DAB1: variants seen among roughly 807,000 people sequenced by gnomAD.
The protein encoded by DAB1 is DAB adaptor protein 1, also known as disabled homolog 1.
In DAB1, 15 loss-of-function variants were observed where a neutral mutation model predicts 64.6. The ratio of observed to expected loss-of-function variants is 0.23; its 90% confidence interval spans 0.16 to 0.36. DAB1 has a LOEUF of 0.36. Ranked by LOEUF, DAB1 falls within the 10% of genes least tolerant of loss-of-function variation. DAB1 has a pLI of 1.00. For synonymous variants in DAB1, 235 were observed against 251.9 expected, an observed-to-expected ratio of 0.93 and a Z score of 0.64; for missense variants, 596 against 706.7, an observed-to-expected ratio of 0.84 and a Z score of 1.78.
At chr1:57,832,230 G>A (rs957993805) in intron 1 of DAB1, among the ~76,000 whole-genome samples, 1 of 152,186 alleles carries the variant, frequency 6.6e-6, no homozygotes. Flanking sequence ...AGTCACAAGA[G>A]TAACTAGATG....
intron 5 of DAB1, among the ~76,000 whole-genome samples, chr1:58,112,429 C>T (rs1336272426): frequency 6.6e-6 from 1 of 152,154 alleles, no homozygotes; most frequent in Non-Finnish European, 1.5e-5. Flanking sequence ...CCCAATTAAA[C>T]TATTAGTTCT....
intron 4 of DAB1, among the ~76,000 whole-genome samples, chr1:58,332,239 C>T (rs1342073190): frequency 1.3e-5 from 2 of 152,156 alleles, no homozygotes; most frequent in East Asian, 1.9e-4. Flanking sequence ...AAACTCCCCT[C>T]CCTGAATTAT....
chr1:58,166,430 C>A (rs1320153850), intron 4 of DAB1, among the ~76,000 whole-genome samples: 1 of 152,142 alleles, frequency 6.6e-6, no homozygotes, highest in Non-Finnish European at 1.5e-5. Flanking sequence ...TTGCATCTGG[C>A]TTACTTATTT....
chr1:58,138,097 T>C (rs1267078397), intron 5 of DAB1, among the ~76,000 whole-genome samples: 2 of 152,218 alleles, frequency 1.3e-5, no homozygotes, highest in Non-Finnish European at 2.9e-5. Flanking sequence ...TGATTATATT[T>C]ATCCACTCAC....
intron 6 of DAB1, among the ~76,000 whole-genome samples, chr1:57,732,434 A>T (rs1374611910): frequency 6.6e-6 from 1 of 152,232 alleles, no homozygotes; most frequent in Non-Finnish European, 1.5e-5. Context: ...AGAGAGGCTC[A>T]TCAGTGTTGA....
intron 5 of DAB1, among the ~76,000 whole-genome samples, chr1:57,963,922 G>A (rs1396783157): frequency 2.0e-5 from 3 of 152,198 alleles, no homozygotes; most frequent in Non-Finnish European, 4.4e-5. Flanking sequence ...CAGGAAGAAA[G>A]AACATATAAT....
intron 9 of DAB1, among the ~76,000 whole-genome samples, chr1:57,053,312 A>G (rs1383866243): frequency 6.6e-6 from 1 of 152,110 alleles, no homozygotes; most frequent in Non-Finnish European, 1.5e-5. Flanking sequence ...CAATTGTGCA[A>G]TCATAGCTCA....
At chr1:57,808,284 C>G (rs1651462365) in intron 6 of DAB1, among the ~76,000 whole-genome samples, 1 of 152,098 alleles carries the variant, frequency 6.6e-6, no homozygotes, top group Non-Finnish European at 1.5e-5. Flanking sequence ...CTAGTTTTCT[C>G]TGGTTAACTG....
intron 1 of DAB1, among the ~76,000 whole-genome samples, chr1:57,328,409 G>C (rs1194583116): frequency 6.6e-6 from 1 of 152,150 alleles, no homozygotes; most frequent in Non-Finnish European, 1.5e-5. Flanking sequence ...AGAATGCCAG[G>C]ATGGATGAGA....
At chr1:58,064,797 C>A (rs972854033) in intron 5 of DAB1, among the ~76,000 whole-genome samples, 4 of 152,174 alleles carry the variant, frequency 2.6e-5, no homozygotes, top group African/African-American at 9.7e-5. Flanking sequence ...TCTCGGCTCA[C>A]TGCAAGCTCC....
chr1:57,421,602 C>G (rs190554612), intron 1 of DAB1, among the ~76,000 whole-genome samples: 1 of 152,226 alleles, frequency 6.6e-6, no homozygotes, highest in Admixed American at 6.5e-5. Flanking sequence ...GTTACAAAGT[C>G]AGTCCTTTCA....
chr1:57,503,258 C>G (rs1570578707), intron 7 of DAB1, among the ~76,000 whole-genome samples: 1 of 152,306 alleles, frequency 6.6e-6, no homozygotes, highest in East Asian at 1.9e-4. Context: ...CCCTTAAATC[C>G]CTTCTCTTTC....
chr1:58,380,832 G>A (rs555512556), intron 3 of DAB1, among the ~76,000 whole-genome samples: 2 of 152,314 alleles, frequency 1.3e-5, no homozygotes, highest in African/African-American at 2.4e-5. Flanking sequence ...TAGAAAATAA[G>A]CTGGGACGCA....
chr1:57,618,142 C>T lies in DAB1; in HGVS notation n.625+31450G>A, dbSNP rs567562373. 2.0e-3 allele frequency among the ~76,000 whole-genome samples: 302 copies of T among 152,268 alleles called. 2 individuals are homozygous for T. The highest frequency in any genetic ancestry group is 0.017 in the Middle Eastern group (5 of 294). On this transcript the variant is annotated intron_variant and non_coding_transcript_variant, in intron 7 of 20. Coordinates refer to the DAB1 transcript ENST00000485760. ...TACTAAAGGAGAAGAAGACTGGGCG[C>T]GGTGGCTCACGCCTGTAATCCCAGC...
intron 4 of DAB1, among the ~76,000 whole-genome samples, chr1:58,338,331 A>C (rs1569658706): frequency 1.4e-5 from 2 of 146,772 alleles, no homozygotes; most frequent in African/African-American, 2.5e-5. Context: ...CTTCCACCTC[A>C]CTCTTCCTCT....
intron 5 of DAB1, among the ~76,000 whole-genome samples, chr1:57,903,394 G>T (rs757193023): frequency 6.6e-6 from 1 of 152,078 alleles, no homozygotes; most frequent in Non-Finnish European, 1.5e-5. Flanking sequence ...AGACATGTAG[G>T]TTCCTTTTTG....
intron 2 of DAB1, among the ~76,000 whole-genome samples, chr1:57,224,510 G>A (rs1459470434): frequency 6.6e-6 from 1 of 152,162 alleles, no homozygotes. Context: ...TCTCTAACCA[G>A]TCTGTTCTTT....
intron 3 of DAB1, among the ~76,000 whole-genome samples, chr1:58,354,228 A>G (rs1644086579): frequency 6.6e-6 from 1 of 152,074 alleles, no homozygotes; most frequent in African/African-American, 2.4e-5. Flanking sequence ...TGGTTATCTC[A>G]GTGCTCCCAG....
intron 5 of DAB1, among the ~76,000 whole-genome samples, chr1:58,097,634 G>A (rs757997103): frequency 2.0e-5 from 3 of 152,076 alleles, no homozygotes; most frequent in Non-Finnish European, 4.4e-5. Flanking sequence ...AAGATAATGA[G>A]ACCTTAAGGC....
Sources: allele counts gnomAD v4.1 joint callset (sites outside exome capture counted in the v4.1 genomes callset), GRCh38; gene constraint gnomAD v4.1.1; transcripts MANE v1.5; gene names NCBI Gene and HGNC (gene_info 2026-07-23, HGNC 2026-07-21).